Variants in FLNB observed in about 807,000 individuals in gnomAD.
The protein encoded by FLNB is filamin-B.
A neutral mutation model predicts 250.6 loss-of-function variants in FLNB; 111 were observed. That is an observed-to-expected ratio of 0.44 (90% CI 0.38 to 0.52). The LOEUF (loss-of-function observed/expected upper bound fraction) is 0.52, where lower values mean the gene tolerates loss of function less well. Ranked by LOEUF, FLNB falls within the 20% of genes least tolerant of loss-of-function variation. The pLI, the probability that FLNB is intolerant of heterozygous loss-of-function variation, is 0.00. For synonymous variants in FLNB, 1,302 were observed against 1,372.1 expected (o/e 0.95, Z 1.13); for missense variants, 2,869 against 3,447.8 (o/e 0.83, Z 4.20).
intron 19 of FLNB, among the ~76,000 whole-genome samples, chr3:58,120,159 A>G (rs536946609): frequency 7.2e-4 from 110 of 152,308 alleles, no homozygotes; most frequent in African/African-American, 2.4e-3. Context: ...CACAAGTTGC[A>G]AGCAAGGCCA....
intron 1 of FLNB, among the ~76,000 whole-genome samples, chr3:58,070,951 TG>T (rs2097193560): frequency 6.8e-6 from 1 of 148,062 alleles, no homozygotes; most frequent in African/African-American, 2.6e-5. Flanking sequence ...CTCTCTCTCT[TG>T]TTTTTTTTTT....
chr3:58,137,970 CACTTAAG>C (rs1336611173), intron 28 of FLNB, among the ~76,000 whole-genome samples: 5 of 152,216 alleles, frequency 3.3e-5, no homozygotes, highest in Non-Finnish European at 7.3e-5. Context: ...GTGTACCTGG[CACTTAAG>C]AAAATGCCCA....
intron 1 of FLNB, among the ~76,000 whole-genome samples, chr3:58,062,043 A>G (rs925288111): frequency 5.3e-5 from 8 of 152,138 alleles, no homozygotes; most frequent in African/African-American, 1.9e-4. Flanking sequence ...GTAAGCCGAA[A>G]TCATGCCACT....
chr3:58,011,585 T>C (rs1375269396), intron 1 of FLNB, among the ~76,000 whole-genome samples: 1 of 152,214 alleles, frequency 6.6e-6, no homozygotes, highest in African/African-American at 2.4e-5. Flanking sequence ...CTCTTGAGGC[T>C]GTTGTGGGTA....
At chr3:58,082,243 G>T (rs75433979) in intron 4 of FLNB, among the ~76,000 whole-genome samples, 1,747 of 152,258 alleles carry the variant, frequency 0.011, 38 homozygotes, top group African/African-American at 0.04. Flanking sequence ...GTTTATGACT[G>T]CGAGGCAGCT....
chr3:58,112,036 G>A (rs935871063), intron 17 of FLNB, 113 bp from the exon 18 acceptor site: 6 of 1,210,028 alleles, frequency 5.0e-6, no homozygotes, highest in East Asian at 2.3e-5. Flanking sequence ...GGCTGGCCAG[G>A]CCCGTTGCTG....
At chr3:58,025,401 A>G (rs891322040) in intron 1 of FLNB, among the ~76,000 whole-genome samples, 2 of 151,902 alleles carry the variant, frequency 1.3e-5, no homozygotes, top group African/African-American at 4.8e-5. Context: ...AATTGCTGAG[A>G]TTACAGGCAT....
chr3:58,123,822 C>T (rs1423513554), intron 21 of FLNB, 132 bp downstream of exon 21: 7 of 752,430 alleles, frequency 9.3e-6, no homozygotes, highest in Admixed American at 2.5e-5. Context: ...TCACCTGTTC[C>T]CTCTGCCTCG....
At chr3:58,158,457 C>T (rs1406222517) in intron 41 of FLNB, among the ~76,000 whole-genome samples, 1 of 152,152 alleles carries the variant, frequency 6.6e-6, no homozygotes, top group African/African-American at 2.4e-5. Context: ...GTTCTTGGAC[C>T]TCAGCATCAC....
chr3:58,087,857 C>G (rs572231353), intron 4 of FLNB, among the ~76,000 whole-genome samples: 1 of 152,132 alleles, frequency 6.6e-6, no homozygotes, highest in Non-Finnish European at 1.5e-5. Context: ...TCTCCTGCCT[C>G]AGCCTCCCAA....
intron 1 of FLNB, among the ~76,000 whole-genome samples, chr3:58,058,303 C>T (rs1463263661): frequency 6.6e-6 from 1 of 152,044 alleles, no homozygotes; most frequent in Non-Finnish European, 1.5e-5. Context: ...TGAAGGTTTC[C>T]CCCTTTCACA....
chr3:58,016,159 A>G (rs1031497896), intron 1 of FLNB, among the ~76,000 whole-genome samples: 1 of 150,054 alleles, frequency 6.7e-6, no homozygotes, highest in African/African-American at 2.5e-5. Context: ...TCCCGGGTTC[A>G]AGAGATTCTC....
Position 58,091,542 on chromosome 3 carries a change from A to G in FLNB, c.788-3294A>G, listed in dbSNP as rs761231458. Reference sequence around the variant, plus strand: ...AACAAAAAACCCATATAACTATAAAACTTTGAGAAAAAAACATAGAAGAGA... The same window carrying G: ...AACAAAAAACCCATATAACTATAAAGCTTTGAGAAAAAAACATAGAAGAGA... On this transcript the variant is annotated intron_variant, in intron 4 of 45. Transcript: ENST00000295956. 5.3e-5 allele frequency among the ~76,000 whole-genome samples: 8 copies of G among 152,196 alleles called. 1 individual carries two copies. Among genetic ancestry groups the G allele is most frequent in the Admixed American group, 3.3e-4 (5 of 15,282 alleles).
At chr3:58,067,643 C>T (rs534275217) in intron 1 of FLNB, among the ~76,000 whole-genome samples, 8 of 147,354 alleles carry the variant, frequency 5.4e-5, no homozygotes, top group African/African-American at 7.6e-5. Flanking sequence ...GTCGCCCAGG[C>T]TGGAGTGCAG....
In FLNB at chr3:58,109,195, G is replaced by T. The variant is rs1470246106; in HGVS notation, c.2072G>T (p.Arg691Leu). 10 of 1,614,032 alleles carry T rather than the reference G, an allele frequency of 6.2e-6. No homozygotes were observed. The East Asian group carries it at 2.2e-4, about 36-fold the overall frequency. Reference sequence around the variant, plus strand: ...TTTTTGCAGGATGGGGAAGGCCAACGCATTGACATCCAGATGAAGAACCGG... The same window carrying T: ...TTTTTGCAGGATGGGGAAGGCCAACTCATTGACATCCAGATGAAGAACCGG... ...KIFAQDGEGQRIDIQMKNRMD... is the reference protein window; with the variant it reads ...KIFAQDGEGQLIDIQMKNRMD... Residue 691 changes from arginine to leucine, a missense_variant, in exon 14 of 46, where the codon CGC (arginine) becomes CTC (leucine). By Grantham distance (102) the Arg-to-Leu change is moderately radical. Transcript: ENST00000295956.
rs932831604 is a variant in FLNB, at chr3:58,119,047, G to A, written c.2863+58G>A. 16 of 1,260,628 alleles carry A rather than the reference G, an allele frequency of 1.3e-5. No individual in the cohort carries two copies. The African/African-American group carries it at 1.6e-4, about 13-fold the overall frequency. The allele number at this position is 1,260,628 out of a possible 1,614,324, so 78.1% of individuals were successfully genotyped here. A position where few individuals can be genotyped will look rare whatever the true frequency, so the allele number is the denominator to read the frequency against. ...TGATGACCCCCCAACGTGGCTGCTG[G>A]TTAGATTTTCTTCAAAAGGTGAAAT... On this transcript the variant is annotated intron_variant, in intron 19 of 45. Coordinates refer to ENST00000295956, the MANE Select transcript of FLNB (RefSeq NM_001457.4).
chr3:58,090,094 G>A (rs1354078081), intron 4 of FLNB, among the ~76,000 whole-genome samples: 1 of 152,028 alleles, frequency 6.6e-6, no homozygotes, highest in South Asian at 2.1e-4. Flanking sequence ...ACTGGACCCG[G>A]CCTCTGTAAG....
intron 42 of FLNB, among the ~76,000 whole-genome samples, chr3:58,160,090 T>C (rs1240496899): frequency 6.6e-6 from 1 of 152,074 alleles, no homozygotes; most frequent in South Asian, 2.1e-4. Context: ...CAAAAACAAA[T>C]GCTTCTTTGT....
At chr3:58,155,002 T>G in intron 40 of FLNB, 74 bp downstream of exon 40, 1 of 1,499,310 alleles carries the variant, frequency 6.7e-7, no homozygotes, top group South Asian at 1.1e-5. Context: ...CAGAAATCCA[T>G]CAAGTTTGCT....
Sources: allele counts gnomAD v4.1 joint callset (sites outside exome capture counted in the v4.1 genomes callset), GRCh38; gene constraint gnomAD v4.1.1; transcripts MANE v1.5; gene names NCBI Gene and HGNC (gene_info 2026-07-23, HGNC 2026-07-21).